The following PIGK variants were observed in gnomAD, a reference collection of about 807,000 sequenced individuals.
PIGK encodes the protein GPI-anchor transamidase.
In PIGK, 42 loss-of-function variants were observed where a neutral mutation model predicts 50.6. The observed-to-expected ratio is 0.83, with a 90% CI of 0.65 to 1.07. The LOEUF (loss-of-function observed/expected upper bound fraction) is 1.07. Ranked by LOEUF, PIGK falls within the 50% of genes least tolerant of loss-of-function variation. The probability of loss-of-function intolerance (pLI) is 0.00; values close to 1 mark genes in which losing one functional copy is unlikely to be tolerated. For missense variants in PIGK, 448 were observed against 488.7 expected (o/e 0.92, Z 0.78); for synonymous variants, 151 against 156.0 (o/e 0.97, Z 0.24).
intron 3 of PIGK, among the ~76,000 whole-genome samples, chr1:77,172,070 A>ATTTTTTTTTTTTTTTTT (rs34115617): frequency 3.3e-4 from 43 of 130,944 alleles, no homozygotes; most frequent in Non-Finnish European, 3.4e-4. Flanking sequence ...TCTACATTTA[A>ATTTTTTTTTTTTTTTTT]TTTTTTTTTT....
chr1:77,172,022 C>T (rs1477446538), intron 3 of PIGK, among the ~76,000 whole-genome samples: 2 of 151,814 alleles, frequency 1.3e-5, no homozygotes, highest in Admixed American at 1.3e-4. Context: ...AAACTAAATG[C>T]CTGCTGCTGT....
chr1:77,166,993 T>A (rs1461734452), intron 4 of PIGK, among the ~76,000 whole-genome samples, 163 bp from the exon 5 acceptor site: 12 of 152,318 alleles, frequency 7.9e-5, no homozygotes, highest in Non-Finnish European at 1.8e-4. Flanking sequence ...TAAAATATAT[T>A]CATTTAAACA....
At chr1:77,116,364 T>C (rs1054003831) in intron 10 of PIGK, among the ~76,000 whole-genome samples, 4 of 151,942 alleles carry the variant, frequency 2.6e-5, no homozygotes, top group Non-Finnish European at 4.4e-5. Context: ...TTTTTGTGTT[T>C]TTAGTAGAGA....
At position 77,210,557 on chromosome 1, in the gene PIGK, T is replaced by C. The variant is rs544344535; in HGVS notation, c.94-68A>G. The C allele has an allele frequency of 1.9e-4, 170 of 902,676 alleles. No homozygotes were observed. In the African/African-American group the frequency reaches 2.5e-3, roughly 14 times the overall value. The allele number at this position is 902,676 out of a possible 1,614,324, so 55.9% of individuals were successfully genotyped here. A position where few individuals can be genotyped will look rare whatever the true frequency, so the allele number is the denominator to read the frequency against. On this transcript the variant is annotated intron_variant, in intron 1 of 10. Coordinates refer to ENST00000370812, the MANE Select transcript of PIGK (RefSeq NM_005482.3). ...CAGAATAAAGACTGATAATGGACAG[T>C]TGAGACTCGTGTAGTTTTTACAGTT...
Position 77,166,897 on chromosome 1 carries a change from T to C in PIGK, c.376-67A>G. The C allele has an allele frequency of 3.8e-6, 3 of 784,970 alleles. No individual in the cohort carries two copies. The South Asian group carries it at 4.9e-5, about 13-fold the overall frequency. 48.6% of individuals were successfully genotyped at this position (784,970 alleles called of 1,614,324 possible). A position where few individuals can be genotyped will look rare whatever the true frequency, so the allele number is the denominator to read the frequency against. On this transcript the variant is annotated intron_variant, in intron 4 of 10. Coordinates refer to ENST00000370812, the MANE Select transcript of PIGK (RefSeq NM_005482.3). The stretch of plus-strand genomic sequence containing the variant: ...TGGGAAATCTTGACAAATTACTTTT[T>C]ACTTTCAAAAATGTTCATTGTTCTT...
chr1:77,128,941 GA>G lies in PIGK; in HGVS notation c.987-6583del, dbSNP rs1479518161. Among the ~76,000 whole-genome samples, 3 of 152,244 alleles carry G rather than the reference GA, an allele frequency of 2.0e-5. No individual in the cohort carries two copies. In the East Asian group the frequency reaches 5.8e-4, roughly 29 times the overall value. On this transcript the variant is annotated intron_variant, in intron 9 of 10. Transcript: ENST00000370812. The stretch of plus-strand genomic sequence containing the variant: ...AATGGTTAGAAAAAATAAGTCTAAA[GA>G]AAAATAACATTTCATGACTAGTGAA...
chr1:77,127,214 G>A (rs1299690891), intron 9 of PIGK, among the ~76,000 whole-genome samples: 1 of 152,128 alleles, frequency 6.6e-6, no homozygotes, highest in Non-Finnish European at 1.5e-5. Flanking sequence ...ATCCCCCTGT[G>A]CTTTCTGTAT....
chr1:77,146,574 T>C (rs1302219280), intron 9 of PIGK, among the ~76,000 whole-genome samples: 3 of 152,136 alleles, frequency 2.0e-5, no homozygotes, highest in Non-Finnish European at 2.9e-5. Flanking sequence ...GGCAGGTGGA[T>C]TGCCTGAGCT....
chr1:77,215,514 C>A (rs1285461861), intron 1 of PIGK, among the ~76,000 whole-genome samples: 1 of 152,078 alleles, frequency 6.6e-6, no homozygotes, highest in Non-Finnish European at 1.5e-5. Flanking sequence ...AGTATGGAAG[C>A]TCCTCAAAAC....
At chr1:77,169,975 C>A (rs1325964919) in intron 3 of PIGK, among the ~76,000 whole-genome samples, 1 of 152,078 alleles carries the variant, frequency 6.6e-6, no homozygotes. Context: ...TCACAAGATC[C>A]ACAAATCCAC....
intron 8 of PIGK, among the ~76,000 whole-genome samples, chr1:77,158,089 T>C (rs899576984): frequency 1.3e-5 from 2 of 152,354 alleles, no homozygotes; most frequent in African/African-American, 4.8e-5. Context: ...CAATCTCAGC[T>C]CACTGCAACC....
intron 5 of PIGK, among the ~76,000 whole-genome samples, chr1:77,166,177 C>T (rs1655229215): frequency 6.6e-6 from 1 of 152,070 alleles, no homozygotes; most frequent in African/African-American, 2.4e-5. Context: ...TATTATGGTA[C>T]ACTTTATCTC....
At chr1:77,130,411 G>A (rs545580795) in intron 9 of PIGK, among the ~76,000 whole-genome samples, 1 of 151,212 alleles carries the variant, frequency 6.6e-6, no homozygotes, top group South Asian at 2.1e-4. Context: ...CAGTGTAAAG[G>A]GGAAATCTAA....
intron 3 of PIGK, among the ~76,000 whole-genome samples, chr1:77,189,395 T>C (rs912104995): frequency 2.6e-5 from 4 of 152,068 alleles, no homozygotes; most frequent in African/African-American, 7.2e-5. Context: ...TGTGAGGGTG[T>C]TGCCAAAAGA....
chr1:77,216,638 G>T (rs1779170), intron 1 of PIGK, among the ~76,000 whole-genome samples: 24,962 of 151,272 alleles, frequency 0.17, 3,036 homozygotes, highest in African/African-American at 0.34. Flanking sequence ...TGTGTGGGGG[G>T]GTGTGTGTGT....
At chr1:77,197,932 T>C (rs1656073524) in intron 3 of PIGK, among the ~76,000 whole-genome samples, 1 of 152,166 alleles carries the variant, frequency 6.6e-6, no homozygotes, top group South Asian at 2.1e-4. Flanking sequence ...ATGACATAAA[T>C]ATTAGATATA....
At chr1:77,100,651 T>C (rs58815389) in intron 10 of PIGK, among the ~76,000 whole-genome samples, 5,576 of 152,112 alleles carry the variant, frequency 0.037, 267 homozygotes, top group African/African-American at 0.11. Context: ...ATCCAGGGCA[T>C]AGGGAAAGAG....
chr1:77,178,975 T>A (rs1013173116), intron 3 of PIGK, among the ~76,000 whole-genome samples: 5 of 152,190 alleles, frequency 3.3e-5, no homozygotes, highest in Admixed American at 2.0e-4. Context: ...GAAATTTTTT[T>A]AAAAGTTATG....
intron 9 of PIGK, among the ~76,000 whole-genome samples, chr1:77,147,060 A>C (rs1036600561): frequency 6.6e-6 from 1 of 152,042 alleles, no homozygotes; most frequent in Non-Finnish European, 1.5e-5. Context: ...GAAGAAAAAT[A>C]GGTTTAATGG....
Sources: gnomAD v4.1 joint callset for allele counts (sites outside exome capture counted in the v4.1 genomes callset) on GRCh38, gnomAD v4.1.1 for gene constraint, MANE v1.5 for transcripts, NCBI Gene and HGNC (gene_info 2026-07-23, HGNC 2026-07-21) for gene names.